ZNF609: variants seen among roughly 807,000 people sequenced by gnomAD.
ZNF609 encodes the protein zinc finger protein 609.
A neutral mutation model predicts 109.5 loss-of-function variants in ZNF609; 11 were observed. That is an observed-to-expected ratio of 0.10 (90% confidence interval 0.06 to 0.17). The LOEUF (loss-of-function observed/expected upper bound fraction) is 0.17. ZNF609 is among the 10% of genes least tolerant of loss of function. The pLI, the probability that ZNF609 is intolerant of heterozygous loss-of-function variation, is 1.00. For missense variants in ZNF609, 1,559 were observed against 1,772.4 expected (o/e 0.88, Z 2.16); for synonymous variants, 646 against 662.0 (o/e 0.98, Z 0.37).
rs190640131 is a variant in ZNF609, at chr15:64,513,700, A to G, written c.747+13534A>G. On this transcript the variant is annotated intron_variant, in intron 2 of 9. Coordinates refer to ENST00000326648, the MANE Select transcript of ZNF609 (RefSeq NM_015042.2). ...CTGACTTGTGTGAGAGCTAGACTATATTAATGAAAAATATGTATTTGTAAA... is the reference window on the plus strand; with the variant it reads ...CTGACTTGTGTGAGAGCTAGACTATGTTAATGAAAAATATGTATTTGTAAA... Among the ~76,000 whole-genome samples, 67 of 152,314 alleles carry G rather than the reference A, an allele frequency of 4.4e-4. 1 individual carries two copies. The East Asian group carries it at 8.9e-3, about 20-fold the overall frequency.
chr15:64,510,054 C>T (rs1420286080), intron 2 of ZNF609, among the ~76,000 whole-genome samples: 2 of 152,184 alleles, frequency 1.3e-5, no homozygotes, highest in African/African-American at 4.8e-5. Flanking sequence ...TTAAACACTA[C>T]ATTATTCACC....
chr15:64,524,096 G>A (rs1226925062), intron 2 of ZNF609, among the ~76,000 whole-genome samples: 1 of 148,606 alleles, frequency 6.7e-6, no homozygotes, highest in African/African-American at 2.5e-5. Context: ...ACAATTCAGT[G>A]GTTTATACTA....
At chr15:64,611,108 G>C (rs1325894286) in intron 2 of ZNF609, among the ~76,000 whole-genome samples, 4 of 152,040 alleles carry the variant, frequency 2.6e-5, no homozygotes, top group African/African-American at 4.8e-5. Context: ...TGTGAAAGGA[G>C]GTAAAAGAAG....
rs1893524054 is a variant in ZNF609, at chr15:64,499,283, CT to C, written c.-127-5del. On this transcript the variant is annotated splice_polypyrimidine_tract_variant and intron_variant, in intron 1 of 9. Coordinates refer to ENST00000326648, the MANE Select transcript of ZNF609 (RefSeq NM_015042.2). ...TTCTTTTAACAGCTTTTTAAATTTT[CT>C]TTTTCCAGCAATGATGTTGTCCACT... The C allele has an allele frequency of 1.7e-6, 2 of 1,192,780 alleles. No homozygotes were observed. Among genetic ancestry groups the C allele is most frequent in the Admixed American group, 5.5e-5 (2 of 36,220 alleles). The allele number at this position is 1,192,780 out of a possible 1,614,324, so 73.9% of individuals were successfully genotyped here. A position where few individuals can be genotyped will look rare whatever the true frequency, so the allele number is the denominator to read the frequency against.
intron 2 of ZNF609, among the ~76,000 whole-genome samples, chr15:64,547,403 A>G (rs1894382788): frequency 6.6e-6 from 1 of 152,240 alleles, no homozygotes; most frequent in Non-Finnish European, 1.5e-5. Context: ...TTAGGATGAC[A>G]TAATTGAAGT....
At chr15:64,668,991 CA>C (rs1283307150) in intron 3 of ZNF609, among the ~76,000 whole-genome samples, 56 of 140,996 alleles carry the variant, frequency 4.0e-4, no homozygotes, top group Admixed American at 5.7e-4. Context: ...ATTAAAATGC[CA>C]AAAAAAAACC....
chr15:64,529,485 A>G, intron 2 of ZNF609: 1 of 1,082,046 alleles, frequency 9.2e-7, no homozygotes, highest in Non-Finnish European at 1.4e-6. Context: ...TCCCGTTCTC[A>G]GCCTTGACGG....
At chr15:64,562,703 A>T (rs1447938033) in intron 2 of ZNF609, among the ~76,000 whole-genome samples, 1 of 151,090 alleles carries the variant, frequency 6.6e-6, no homozygotes, top group East Asian at 2.0e-4. Context: ...TGATTGTCGT[A>T]ATTAAACTAT....
intron 2 of ZNF609, among the ~76,000 whole-genome samples, chr15:64,542,507 A>C (rs1389799809): frequency 1.3e-5 from 2 of 152,188 alleles, no homozygotes; most frequent in African/African-American, 4.8e-5. Flanking sequence ...GTCACCTTTC[A>C]AATTTCTGTG....
chr15:64,607,059 G>A (rs1895613803), intron 2 of ZNF609, among the ~76,000 whole-genome samples: 3 of 152,198 alleles, frequency 2.0e-5, no homozygotes, highest in African/African-American at 7.2e-5. Context: ...CAGGAGAATC[G>A]CTTGAACTCG....
At chr15:64,493,339 A>G (rs1055610549) in intron 1 of ZNF609, among the ~76,000 whole-genome samples, 9 of 152,060 alleles carry the variant, frequency 5.9e-5, no homozygotes, top group African/African-American at 2.2e-4. Flanking sequence ...TTCATTCCTG[A>G]GGTAGAAGAG....
At chr15:64,527,133 T>C (rs1375332547) in intron 2 of ZNF609, among the ~76,000 whole-genome samples, 1 of 151,496 alleles carries the variant, frequency 6.6e-6, no homozygotes, top group African/African-American at 2.4e-5. Flanking sequence ...CTACTTAAGC[T>C]GAATAACATT....
At chr15:64,471,056 G>T (rs565370581) in intron 1 of ZNF609, among the ~76,000 whole-genome samples, 38 of 152,140 alleles carry the variant, frequency 2.5e-4, no homozygotes, top group African/African-American at 7.7e-4. Context: ...ACTGTTTTCA[G>T]ATTTGTACTT....
intron 2 of ZNF609, among the ~76,000 whole-genome samples, chr15:64,605,550 G>A (rs1791218278): frequency 6.6e-6 from 1 of 152,072 alleles, no homozygotes; most frequent in African/African-American, 2.4e-5. Context: ...ACTGTATATA[G>A]CTAGGCACTG....
intron 2 of ZNF609, among the ~76,000 whole-genome samples, chr15:64,562,069 A>T (rs1163306790): frequency 6.6e-6 from 1 of 152,234 alleles, no homozygotes; most frequent in Non-Finnish European, 1.5e-5. Flanking sequence ...TGAGTTTTAT[A>T]AATCTCCAAA....
chr15:64,597,549 G>A (rs992142523), intron 2 of ZNF609, among the ~76,000 whole-genome samples: 2 of 152,130 alleles, frequency 1.3e-5, no homozygotes, highest in African/African-American at 2.4e-5. Context: ...AAGCAGCAGC[G>A]GCAGTTTTCT....
chr15:64,622,796 A>G (rs1895896586), intron 2 of ZNF609, 31 bp from the exon 3 acceptor site: 1 of 1,579,866 alleles, frequency 6.3e-7, no homozygotes, highest in Non-Finnish European at 8.7e-7. Flanking sequence ...TCTCCCTGCA[A>G]CTCAGCTACT....
At chr15:64,677,627 A>G (rs1049288901) in intron 5 of ZNF609, among the ~76,000 whole-genome samples, 1 of 152,222 alleles carries the variant, frequency 6.6e-6, no homozygotes, top group East Asian at 1.9e-4. Flanking sequence ...AGAACTAGGA[A>G]CTTGGAATCT....
intron 2 of ZNF609, among the ~76,000 whole-genome samples, chr15:64,505,540 G>A (rs1893623297): frequency 6.6e-6 from 1 of 152,084 alleles, no homozygotes. Context: ...AAATAAAACA[G>A]AGATGGTCTC....
Sources: allele counts gnomAD v4.1 joint callset (sites outside exome capture counted in the v4.1 genomes callset), GRCh38; gene constraint gnomAD v4.1.1; transcripts MANE v1.5; gene names NCBI Gene and HGNC (gene_info 2026-07-23, HGNC 2026-07-21).